The following THSD7A variants were observed in gnomAD, a reference collection of about 807,000 sequenced individuals.
THSD7A encodes thrombospondin type 1 domain containing 7A.
In THSD7A, 96 loss-of-function variants were observed where a neutral mutation model predicts 231.3. That is an observed-to-expected ratio of 0.41 (90% CI 0.35 to 0.49). THSD7A has a LOEUF of 0.49. THSD7A is among the 20% of genes least tolerant of loss of function. The probability of loss-of-function intolerance (pLI) is 0.05; values close to 1 mark genes in which losing one functional copy is unlikely to be tolerated. For synonymous variants in THSD7A, 940 were observed against 743.3 expected, an observed-to-expected ratio of 1.26 and a Z score of -4.30; for missense variants, 2,290 against 2,070.2, an observed-to-expected ratio of 1.11 and a Z score of -2.06.
At chr7:11,720,529 A>T (rs1472491283) in intron 1 of THSD7A, among the ~76,000 whole-genome samples, 1 of 151,818 alleles carries the variant, frequency 6.6e-6, no homozygotes, top group Non-Finnish European at 1.5e-5. Context: ...AAGCAAAACA[A>T]AACAAGCAAT....
intron 1 of THSD7A, among the ~76,000 whole-genome samples, chr7:11,788,071 C>T (rs967178496): frequency 2.0e-5 from 3 of 151,932 alleles, no homozygotes; most frequent in African/African-American, 7.2e-5. Context: ...GTGTGTTTTC[C>T]TTCTTCCTCT....
chr7:11,710,247 A>T lies in THSD7A; in HGVS notation c.191-73286T>A, dbSNP rs141184500. Among the ~76,000 whole-genome samples, 5 of 145,618 alleles carry T rather than the reference A, an allele frequency of 3.4e-5. No individual in the cohort carries two copies. In the East Asian group the frequency reaches 1.0e-3, roughly 29 times the overall value. ...AGCGTTGAGAATCAGTGCATCAAGGATAAATTAAACACACTTTACAAGAAA... is the reference window on the plus strand; with the variant it reads ...AGCGTTGAGAATCAGTGCATCAAGGTTAAATTAAACACACTTTACAAGAAA... On this transcript the variant is annotated intron_variant, in intron 1 of 27. Coordinates refer to ENST00000423059, the MANE Select transcript of THSD7A (RefSeq NM_015204.3).
intron 1 of THSD7A, among the ~76,000 whole-genome samples, chr7:11,795,499 G>A (rs968889480): frequency 1.1e-4 from 17 of 151,862 alleles, no homozygotes; most frequent in African/African-American, 3.6e-4. Flanking sequence ...GGAATGACAT[G>A]ACGAAAACAA....
At chr7:11,805,528 C>G (rs1784377213) in intron 1 of THSD7A, among the ~76,000 whole-genome samples, 1 of 151,962 alleles carries the variant, frequency 6.6e-6, no homozygotes, top group Non-Finnish European at 1.5e-5. Flanking sequence ...GAGAATAATT[C>G]TTCTGTAACA....
intron 6 of THSD7A, among the ~76,000 whole-genome samples, chr7:11,494,582 C>T (rs1442807010): frequency 2.6e-5 from 4 of 152,132 alleles, no homozygotes; most frequent in African/African-American, 9.6e-5. Flanking sequence ...TGAATAGCTA[C>T]TGTGTTCAAG....
chr7:11,749,958 G>A (rs1285656762), intron 1 of THSD7A, among the ~76,000 whole-genome samples: 2 of 151,872 alleles, frequency 1.3e-5, no homozygotes, highest in East Asian at 1.9e-4. Context: ...GATAGCTGTA[G>A]TAGTGGCAGT....
chr7:11,378,975 G>A (rs1265515384), intron 26 of THSD7A, 95 bp downstream of exon 26: 2 of 1,117,940 alleles, frequency 1.8e-6, no homozygotes, highest in Admixed American at 2.2e-5. Context: ...ATAATCAATA[G>A]CTCATATAAA....
At chr7:11,582,918 T>C (rs1249971246) in intron 4 of THSD7A, among the ~76,000 whole-genome samples, 1 of 143,442 alleles carries the variant, frequency 7.0e-6, no homozygotes, top group Admixed American at 6.9e-5. Flanking sequence ...CCTAATTCTG[T>C]ATATCTGTGT....
chr7:11,568,654 A>C (rs57078709), intron 4 of THSD7A, among the ~76,000 whole-genome samples: 4,794 of 107,436 alleles, frequency 0.045, 385 homozygotes, highest in African/African-American at 0.15. Context: ...AAAAAAAAAA[A>C]CCAAAATCTG....
intron 6 of THSD7A, among the ~76,000 whole-genome samples, chr7:11,503,673 G>A (rs1017054169): frequency 6.6e-6 from 1 of 152,120 alleles, no homozygotes. Flanking sequence ...CTTCTCAAAA[G>A]AAGACATACA....
intron 4 of THSD7A, among the ~76,000 whole-genome samples, chr7:11,574,466 GCT>G (rs1790794208): frequency 7.1e-6 from 1 of 141,814 alleles, no homozygotes; most frequent in Non-Finnish European, 1.5e-5. Flanking sequence ...ACAGAGTTTC[GCT>G]CTGTCGCCCA....
At position 11,542,948 on chromosome 7, in the gene THSD7A, G is replaced by A; in HGVS notation, c.1609+14C>T. The A allele has an allele frequency of 3.7e-6, 6 of 1,611,254 alleles. No individual in the cohort carries two copies. The highest frequency in any genetic ancestry group is 5.1e-6 in the Non-Finnish European group (6 of 1,178,574). ...TGGTGGGTATAAAAGGCATGTCATG[G>A]TCACGTTACCTACCTTTTTTCCCTT... is the stretch of plus-strand genomic sequence containing the variant. On this transcript the variant is annotated intron_variant, in intron 5 of 27. Coordinates refer to ENST00000423059, the MANE Select transcript of THSD7A (RefSeq NM_015204.3).
chr7:11,391,093 A>G (rs544923530), intron 23 of THSD7A, among the ~76,000 whole-genome samples: 7 of 152,320 alleles, frequency 4.6e-5, no homozygotes, highest in African/African-American at 1.7e-4. Flanking sequence ...TTGAGGAGTC[A>G]GTCTGTTCCT....
chr7:11,774,516 ACACACACACT>A (rs1038237714), intron 1 of THSD7A, among the ~76,000 whole-genome samples: 1 of 130,066 alleles, frequency 7.7e-6, no homozygotes, highest in Non-Finnish European at 1.7e-5. Flanking sequence ...ACACACACAC[ACACACACACT>A]CTGACACAAG....
At chr7:11,768,707 A>G (rs1783108364) in intron 1 of THSD7A, among the ~76,000 whole-genome samples, 1 of 152,126 alleles carries the variant, frequency 6.6e-6, no homozygotes, top group African/African-American at 2.4e-5. Flanking sequence ...CCTTAGTTTG[A>G]TAAGAAAAGA....
At chr7:11,551,341 A>G (rs753639250) in intron 4 of THSD7A, among the ~76,000 whole-genome samples, 16 of 152,148 alleles carry the variant, frequency 1.1e-4, no homozygotes, top group Admixed American at 2.0e-4. Flanking sequence ...AAATTGACAA[A>G]TGAGACCTAA....
chr7:11,722,356 G>A (rs1007356864), intron 1 of THSD7A, among the ~76,000 whole-genome samples: 6 of 151,860 alleles, frequency 4.0e-5, no homozygotes, highest in African/African-American at 1.4e-4. Flanking sequence ...TACTGTGCCA[G>A]ATGTCACACG....
At chr7:11,487,606 A>G (rs1415943268) in intron 6 of THSD7A, among the ~76,000 whole-genome samples, 1 of 152,180 alleles carries the variant, frequency 6.6e-6, no homozygotes, top group Non-Finnish European at 1.5e-5. Context: ...AAAGAGGTTT[A>G]ATGGACTTAC....
At chr7:11,808,314 CA>C (rs1562569722) in intron 1 of THSD7A, among the ~76,000 whole-genome samples, 1 of 152,118 alleles carries the variant, frequency 6.6e-6, no homozygotes, top group Non-Finnish European at 1.5e-5. Context: ...AAAAGAGGTC[CA>C]CAGAGAGGTC....
Sources: allele counts gnomAD v4.1 joint callset (sites outside exome capture counted in the v4.1 genomes callset), GRCh38; gene constraint gnomAD v4.1.1; transcripts MANE v1.5; gene names NCBI Gene and HGNC (gene_info 2026-07-23, HGNC 2026-07-21).